The following GRM5 variants were observed in gnomAD, a reference collection of about 807,000 sequenced individuals.
GRM5 encodes glutamate metabotropic receptor 5, also known as metabotropic glutamate receptor 5.
Under a neutral mutation model 83.1 loss-of-function variants are expected in GRM5, and 19 were observed. The observed-to-expected ratio is 0.23, with a 90% CI of 0.16 to 0.34. The LOEUF (loss-of-function observed/expected upper bound fraction) is 0.34. Ranked by LOEUF, GRM5 falls within the 10% of genes least tolerant of loss-of-function variation. GRM5 has a pLI of 1.00. For missense variants in GRM5, 1,160 were observed against 1,588.3 expected (o/e 0.73, Z 4.58); for synonymous variants, 675 against 633.6 (o/e 1.07, Z -0.98).
At chr11:88,734,008 G>C (rs568455487) in intron 3 of GRM5, among the ~76,000 whole-genome samples, 1 of 151,932 alleles carries the variant, frequency 6.6e-6, no homozygotes, top group East Asian at 1.9e-4. Context: ...AAAGTATGGC[G>C]TAAGGGATGC....
chr11:89,045,760 C>T (rs1348309860), intron 2 of GRM5, among the ~76,000 whole-genome samples: 5 of 152,156 alleles, frequency 3.3e-5, no homozygotes, highest in Admixed American at 3.3e-4. Context: ...TAATAAAATG[C>T]ATGATTTATT....
intron 4 of GRM5, among the ~76,000 whole-genome samples, chr11:88,646,299 A>C (rs1283365585): frequency 6.6e-6 from 1 of 152,072 alleles, no homozygotes; most frequent in East Asian, 1.9e-4. Flanking sequence ...TACTCTTAAT[A>C]CTTCTTATTA....
intron 2 of GRM5, among the ~76,000 whole-genome samples, chr11:89,027,968 C>T (rs955550910): frequency 6.6e-6 from 1 of 152,084 alleles, no homozygotes; most frequent in Admixed American, 6.6e-5. Flanking sequence ...ATGAATTAGG[C>T]CCCCATTTGC....
At chr11:89,056,594 C>T (rs541278892) in intron 1 of GRM5, among the ~76,000 whole-genome samples, 2 of 152,116 alleles carry the variant, frequency 1.3e-5, no homozygotes, top group Admixed American at 1.3e-4. Context: ...AAATTATTTT[C>T]TTTAGGTTAT....
intron 3 of GRM5, among the ~76,000 whole-genome samples, chr11:88,767,160 T>C (rs557385437): frequency 6.6e-5 from 10 of 151,996 alleles, no homozygotes; most frequent in South Asian, 2.1e-4. Flanking sequence ...AGAATGGCTA[T>C]TATGTAAAAT....
At chr11:88,586,874 G>A in intron 7 of GRM5, among the ~76,000 whole-genome samples, 1 of 152,074 alleles carries the variant, frequency 6.6e-6, no homozygotes, top group East Asian at 1.9e-4. Flanking sequence ...TCTTCTGTCT[G>A]AAAACCTCCA....
chr11:88,526,307 A>T (rs1941876589), intron 8 of GRM5, among the ~76,000 whole-genome samples: 1 of 152,206 alleles, frequency 6.6e-6, no homozygotes, highest in African/African-American at 2.4e-5. Flanking sequence ...TTTTGAGCTA[A>T]CATGATTTCA....
intron 4 of GRM5, among the ~76,000 whole-genome samples, chr11:88,610,326 A>C (rs1938277999): frequency 6.6e-6 from 1 of 152,152 alleles, no homozygotes; most frequent in African/African-American, 2.4e-5. Flanking sequence ...CCATTTTAAC[A>C]ATATTGATTC....
At chr11:88,981,019 A>T (rs1374904080) in intron 2 of GRM5, among the ~76,000 whole-genome samples, 1 of 151,924 alleles carries the variant, frequency 6.6e-6, no homozygotes, top group Non-Finnish European at 1.5e-5. Context: ...CAGAAAAAAA[A>T]AATGAGTTTT....
chr11:88,537,580 G>C (rs910707679), intron 8 of GRM5, among the ~76,000 whole-genome samples: 3 of 152,132 alleles, frequency 2.0e-5, no homozygotes, highest in Non-Finnish European at 4.4e-5. Flanking sequence ...TGGATCTTTA[G>C]GTTAGAGGGA....
At position 88,737,082 on chromosome 11, in the gene GRM5, G is replaced by T. The variant is rs77245997; in HGVS notation, c.912-83679C>A. 1.1e-4 allele frequency among the ~76,000 whole-genome samples: 16 copies of T among 152,164 alleles called. No individual in the cohort carries two copies. In the East Asian group the frequency reaches 2.9e-3, roughly 28 times the overall value. On this transcript the variant is annotated intron_variant, in intron 3 of 9. Coordinates refer to ENST00000305447, the MANE Select transcript of GRM5 (RefSeq NM_001143831.3). ...GTCACTAGAGGAAGAAGGAGAAATT[G>T]AATCACACATACTGTGTTGAGACCT...
At position 88,505,506 on chromosome 11, in the gene GRM5, G is replaced by A. The variant is rs1016326767; in HGVS notation, c.*3086C>T. The A allele has an allele frequency of 5.3e-5, 8 of 152,172 alleles. No homozygotes were observed. Among genetic ancestry groups the A allele is most frequent in the African/African-American group, 1.9e-4 (8 of 41,446 alleles). The allele number at this position is 152,172 out of a possible 1,614,324, so 9.4% of individuals were successfully genotyped here. On this transcript the variant is annotated 3_prime_UTR_variant, in exon 10 of 10. Coordinates refer to ENST00000305447, the MANE Select transcript of GRM5 (RefSeq NM_001143831.3). ...ACTTTCAAGGATTAGCACGTTTGGG[G>A]ATTTGCTTTTTTTCCTTGCTTCAGT... is the stretch of plus-strand genomic sequence containing the variant.
chr11:88,800,246 A>G (rs10501688), intron 3 of GRM5, among the ~76,000 whole-genome samples: 61,261 of 151,834 alleles, frequency 0.4, 14,051 homozygotes, highest in African/African-American at 0.61. Context: ...TATAAAGTCA[A>G]ATCTCCTGAT....
intron 2 of GRM5, among the ~76,000 whole-genome samples, chr11:88,958,877 T>A (rs923434381): frequency 1.9e-4 from 29 of 152,128 alleles, no homozygotes; most frequent in African/African-American, 6.8e-4. Flanking sequence ...TAGAAATATT[T>A]TTAGTGTGAA....
intron 7 of GRM5, among the ~76,000 whole-genome samples, chr11:88,573,866 T>A (rs1943054308): frequency 6.6e-6 from 1 of 152,218 alleles, no homozygotes; most frequent in Non-Finnish European, 1.5e-5. Flanking sequence ...GATCACAGGG[T>A]GATACAGAAT....
At chr11:88,859,130 A>C (rs945210989) in intron 2 of GRM5, among the ~76,000 whole-genome samples, 5 of 152,052 alleles carry the variant, frequency 3.3e-5, no homozygotes, top group African/African-American at 1.2e-4. Flanking sequence ...TAGTGAAAAA[A>C]ATCCACTAAT....
chr11:88,519,436 G>A (rs913673177), intron 9 of GRM5, among the ~76,000 whole-genome samples: 6 of 151,312 alleles, frequency 4.0e-5, no homozygotes, highest in African/African-American at 1.5e-4. Context: ...TTTTTCCTGG[G>A]TGGCTGATAA....
chr11:88,655,831 A>G (rs543459592), intron 3 of GRM5, among the ~76,000 whole-genome samples: 11 of 152,264 alleles, frequency 7.2e-5, no homozygotes, highest in African/African-American at 2.4e-4. Context: ...TAAAGGAGAT[A>G]GTGTGTAAAC....
intron 2 of GRM5, among the ~76,000 whole-genome samples, chr11:89,002,874 C>G (rs553683407): frequency 1.3e-5 from 2 of 152,028 alleles, no homozygotes; most frequent in African/African-American, 4.8e-5. Flanking sequence ...CTCTAAAGTC[C>G]TCTTCTCAGT....
Sources: allele counts gnomAD v4.1 joint callset (sites outside exome capture counted in the v4.1 genomes callset), GRCh38; gene constraint gnomAD v4.1.1; transcripts MANE v1.5; gene names NCBI Gene and HGNC (gene_info 2026-07-23, HGNC 2026-07-21).